The following JAKMIP3 variants were observed in gnomAD, a reference collection of about 807,000 sequenced individuals.
JAKMIP3 encodes janus kinase and microtubule-interacting protein 3.
A neutral mutation model predicts 118.5 loss-of-function variants in JAKMIP3; 58 were observed. The observed-to-expected ratio is 0.49, with a 90% CI of 0.40 to 0.61. The LOEUF is 0.61. Ranked by LOEUF, JAKMIP3 falls within the 20% of genes least tolerant of loss-of-function variation. JAKMIP3 has a pLI of 0.00. For synonymous variants in JAKMIP3, 486 were observed against 451.2 expected (o/e 1.08, Z -0.98); for missense variants, 950 against 1,109.0 (o/e 0.86, Z 2.04).
At position 132,145,403 on chromosome 10, in the gene JAKMIP3, G is replaced by A. The variant is rs569404460; in HGVS notation, c.1687-115G>A. ...TAATTTTTGTATTTTTTGTAGAGAC[G>A]GGGCTTTGCCACGCTGGCCAGACTG... On this transcript the variant is annotated intron_variant, in intron 12 of 23. Transcript: ENST00000684848. 358 of 1,081,452 alleles carry A rather than the reference G, an allele frequency of 3.3e-4. 1 individual carries two copies. The East Asian group carries it at 8.9e-3, about 27-fold the overall frequency. The allele number at this position is 1,081,452 out of a possible 1,614,324, so 67.0% of individuals were successfully genotyped here. A position where few individuals can be genotyped will look rare whatever the true frequency, so the allele number is the denominator to read the frequency against.
chr10:132,156,371 G>T (rs1166279961), intron 19 of JAKMIP3, among the ~76,000 whole-genome samples: 1 of 152,196 alleles, frequency 6.6e-6, no homozygotes. Context: ...TCTCCCACGA[G>T]CACCAAGGCC....
chr10:132,146,469 G>A (rs981740688), intron 13 of JAKMIP3, among the ~76,000 whole-genome samples: 6 of 152,108 alleles, frequency 3.9e-5, no homozygotes, highest in East Asian at 1.9e-4. Flanking sequence ...GGCTGGCTAC[G>A]GGTCCAGGGG....
intron 23 of JAKMIP3, among the ~76,000 whole-genome samples, chr10:132,180,752 C>CGCGTGT (rs1423457354): frequency 0.04 from 549 of 13,676 alleles, 226 homozygotes; most frequent in South Asian, 0.17. Context: ...CGTGCGCGCG[C>CGCGTGT]GTGTGTGCGT....
intron 1 of JAKMIP3, among the ~76,000 whole-genome samples, chr10:132,094,661 A>C (rs567533694): frequency 6.6e-6 from 1 of 152,090 alleles, no homozygotes; most frequent in African/African-American, 2.4e-5. Context: ...CAGGGGGTGC[A>C]ATGCACTTAG....
intron 2 of JAKMIP3, among the ~76,000 whole-genome samples, chr10:132,109,571 A>G (rs1206123784): frequency 6.6e-6 from 1 of 152,182 alleles, no homozygotes; most frequent in Non-Finnish European, 1.5e-5. Flanking sequence ...GTGAGACCTC[A>G]GCTCATTGCA....
At chr10:132,104,152 G>GT (rs35516821) in intron 1 of JAKMIP3, among the ~76,000 whole-genome samples, 34,165 of 150,254 alleles carry the variant, frequency 0.23, 4,687 homozygotes, top group African/African-American at 0.38. Context: ...TGCCTCCACT[G>GT]GCAGCTACCT....
At chr10:132,068,177 CTGGACTGTGGGCTTCCATG>C (rs1300344220) in intron 1 of JAKMIP3, among the ~76,000 whole-genome samples, 51 of 138,966 alleles carry the variant, frequency 3.7e-4, no homozygotes, top group African/African-American at 1.2e-3. Context: ...TCTGCGTGGT[CTGGACTGTGGGCTTCCATG>C]TGGACTGTGG....
chr10:132,180,646 CGTGTGCGTGT>C (rs1234187343), intron 23 of JAKMIP3, among the ~76,000 whole-genome samples: 167 of 8,294 alleles, frequency 0.02, 18 homozygotes, highest in East Asian at 0.042. Context: ...TGCGTGTGTG[CGTGTGCGTGT>C]GCGTGTGTGC....
chr10:132,104,955 C>A lies in JAKMIP3; in HGVS notation c.135+12C>A, dbSNP rs754761854. 1 of 1,582,718 alleles carries A rather than the reference C, an allele frequency of 6.3e-7. No homozygotes were observed. The highest frequency in any genetic ancestry group is 2.3e-5 in the East Asian group (1 of 42,902). ...AGGAGAAGAGCAAGGTGGGCGCTCC[C>A]CAGACCTCCACCCTTGAATGTCCCT... is the stretch of plus-strand genomic sequence containing the variant. On this transcript the variant is annotated intron_variant, in intron 2 of 23. Transcript: ENST00000684848.
intron 2 of JAKMIP3, among the ~76,000 whole-genome samples, chr10:132,109,071 CATACACATATAT>C (rs1410584984): frequency 0.024 from 113 of 4,760 alleles, 1 homozygote; most frequent in South Asian, 0.12. Context: ...CATATACACA[CATACACATATAT>C]ATACACACAC....
intron 16 of JAKMIP3, among the ~76,000 whole-genome samples, chr10:132,150,670 C>T (rs903399709): frequency 1.3e-5 from 2 of 152,094 alleles, no homozygotes; most frequent in African/African-American, 4.8e-5. Flanking sequence ...ATGTATCCAT[C>T]CTCCACAATT....
intron 2 of JAKMIP3, among the ~76,000 whole-genome samples, chr10:132,106,368 A>C (rs1057356449): frequency 3.3e-5 from 5 of 150,318 alleles, no homozygotes; most frequent in African/African-American, 7.4e-5. Flanking sequence ...AAAAAAAAAA[A>C]CCCACAGCTG....
intron 2 of JAKMIP3, among the ~76,000 whole-genome samples, chr10:132,109,162 TAAAA>T (rs1158853156): frequency 1.3e-5 from 2 of 148,274 alleles, no homozygotes; most frequent in African/African-American, 5.0e-5. Flanking sequence ...ACACATATAT[TAAAA>T]AAAACTGGGC....
intron 5 of JAKMIP3, 34 bp downstream of exon 5, chr10:132,135,194 G>T (rs1318480292): frequency 2.5e-6 from 4 of 1,573,194 alleles, no homozygotes; most frequent in South Asian, 1.1e-5. Context: ...GCTCCTGGGG[G>T]TTTGTGACTG....
At chr10:132,122,087 TG>T (rs979816867) in intron 3 of JAKMIP3, among the ~76,000 whole-genome samples, 1 of 152,246 alleles carries the variant, frequency 6.6e-6, no homozygotes, top group African/African-American at 2.4e-5. Flanking sequence ...AATAAATTTT[TG>T]TTGAATGGAT....
chr10:132,063,655 G>A (rs930541431), upstream of JAKMIP3, among the ~76,000 whole-genome samples: 1 of 152,222 alleles, frequency 6.6e-6, no homozygotes, highest in African/African-American at 2.4e-5. Flanking sequence ...CTGGGCTCCG[G>A]GAGAGAACGG....
At chr10:132,135,654 G>A (rs954056634) in intron 5 of JAKMIP3, among the ~76,000 whole-genome samples, 7 of 152,210 alleles carry the variant, frequency 4.6e-5, no homozygotes, top group East Asian at 1.9e-4. Flanking sequence ...ACTCACCCCC[G>A]GGGACGCCGA....
At chr10:132,141,573 G>A (rs1173306810) in intron 10 of JAKMIP3, among the ~76,000 whole-genome samples, 1 of 152,130 alleles carries the variant, frequency 6.6e-6, no homozygotes, top group African/African-American at 2.4e-5. Flanking sequence ...GGGTCTGCTG[G>A]GTCAGGGCAG....
chr10:132,133,319 A>T lies in JAKMIP3; in HGVS notation c.641A>T (p.Glu214Val). The change falls in exon 4 of 24, where the codon GAG (glutamate) becomes GTG (valine). Residue 214 changes from glutamate (E) to valine (V), a missense_variant. By Grantham distance (121) the Glu-to-Val change is moderately radical (BLOSUM62 -2). Transcript: ENST00000684848. The stretch of plus-strand genomic sequence containing the variant: ...GTTCTGTTCTCCTTGTAGATGGAGG[A>T]GATAAAATTTAAAGACAGAGCAGTC... ...CEREIRRLME[E>V]IKFKDRAVFV... 1 of 1,584,476 alleles carries T rather than the reference A, an allele frequency of 6.3e-7. No individual in the cohort carries two copies. The highest frequency in any genetic ancestry group is 1.3e-5 in the African/African-American group (1 of 74,342).
Sources: allele counts gnomAD v4.1 joint callset (sites outside exome capture counted in the v4.1 genomes callset), GRCh38; gene constraint gnomAD v4.1.1; transcripts MANE v1.5; gene names NCBI Gene and HGNC (gene_info 2026-07-23, HGNC 2026-07-21).